The following TMPRSS7 variants were observed in gnomAD, a reference collection of about 807,000 sequenced individuals.
TMPRSS7 encodes the protein transmembrane serine protease 7.
In TMPRSS7, 81 loss-of-function variants were observed where a neutral mutation model predicts 95.6. The ratio of observed to expected loss-of-function variants is 0.85; its 90% CI spans 0.71 to 1.02. The LOEUF (loss-of-function observed/expected upper bound fraction) is 1.02. Among genes scored for constraint, TMPRSS7 ranks in the 50% least tolerant of loss-of-function variants. The pLI, the probability that TMPRSS7 is intolerant of heterozygous loss-of-function variation, is 0.00. For missense variants in TMPRSS7, 945 were observed against 955.2 expected (o/e 0.99, Z 0.14); for synonymous variants, 364 against 337.8 (o/e 1.08, Z -0.85).
intron 5 of TMPRSS7, 118 bp downstream of exon 5, chr3:112,046,061 T>A: frequency 1.1e-6 from 1 of 885,790 alleles, no homozygotes; most frequent in Non-Finnish European, 1.7e-6. Flanking sequence ...ACAATCCCAG[T>A]GGCGCAGGAT....
rs1454275680 is a variant in TMPRSS7, at chr3:112,041,909, C to T, written c.299-11C>T. 1 of 1,518,574 alleles carries T rather than the reference C, an allele frequency of 6.6e-7. No homozygotes were observed. The highest frequency in any genetic ancestry group is 9.0e-7 in the Non-Finnish European group (1 of 1,117,138). The allele number at this position is 1,518,574 out of a possible 1,614,324, so 94.1% of individuals were successfully genotyped here. A position where few individuals can be genotyped will look rare whatever the true frequency, so the allele number is the denominator to read the frequency against. On this transcript the variant is annotated splice_polypyrimidine_tract_variant and intron_variant, in intron 2 of 17. Transcript: ENST00000452346. ...GAAAGCCTCCGAATCTTGTTCTTTC[C>T]TATTTTACAGGTAAAACAGAAAGCA... is the stretch of plus-strand genomic sequence containing the variant.
intron 6 of TMPRSS7, chr3:112,047,469 C>A (rs773428751): frequency 3.3e-5 from 20 of 604,176 alleles, no homozygotes; most frequent in Non-Finnish European, 5.3e-5. Flanking sequence ...GAAATGACTT[C>A]TTTGACTCTG....
intron 10 of TMPRSS7, among the ~76,000 whole-genome samples, chr3:112,058,288 C>T (rs4682351): frequency 0.24 from 36,450 of 152,074 alleles, 4,522 homozygotes; most frequent in Middle Eastern, 0.28. Flanking sequence ...CTTGGATTCA[C>T]TATTAAAATG....
intron 2 of TMPRSS7, among the ~76,000 whole-genome samples, chr3:112,039,204 G>C (rs1052372902): frequency 1.3e-5 from 2 of 152,094 alleles, no homozygotes; most frequent in Non-Finnish European, 2.9e-5. Context: ...GACTTGTATC[G>C]GAGTTGCCAT....
chr3:112,080,297 T>C (rs985319020), intron 17 of TMPRSS7, among the ~76,000 whole-genome samples: 10 of 152,196 alleles, frequency 6.6e-5, no homozygotes, highest in Non-Finnish European at 4.4e-5. Context: ...GTGAGAGTGA[T>C]TTGTTTGTGA....
intron 7 of TMPRSS7, among the ~76,000 whole-genome samples, 179 bp downstream of exon 7, chr3:112,048,146 A>G (rs1020507573): frequency 6.6e-6 from 1 of 152,142 alleles, no homozygotes; most frequent in East Asian, 1.9e-4. Flanking sequence ...GCCAGAGCCT[A>G]TCAGTCTCAA....
chr3:112,049,726 G>T (rs2073322302), intron 7 of TMPRSS7, 118 bp from the exon 8 acceptor site: 1 of 825,232 alleles, frequency 1.2e-6, no homozygotes, highest in Admixed American at 3.1e-5. Flanking sequence ...AGATTCCCAA[G>T]AACTGAGTGG....
At chr3:112,076,075 G>A (rs998289399) in intron 15 of TMPRSS7, among the ~76,000 whole-genome samples, 2 of 152,102 alleles carry the variant, frequency 1.3e-5, no homozygotes, top group Admixed American at 1.3e-4. Context: ...TTGATCATGA[G>A]TCTCTAATGC....
At chr3:112,037,781 G>A (rs1311095634) in intron 1 of TMPRSS7, among the ~76,000 whole-genome samples, 1 of 152,002 alleles carries the variant, frequency 6.6e-6, no homozygotes, top group Non-Finnish European at 1.5e-5. Context: ...CCGACACTTA[G>A]GGAAAATAGA....
At chr3:112,070,539 T>C (rs192586163) in intron 13 of TMPRSS7, among the ~76,000 whole-genome samples, 15 of 152,372 alleles carry the variant, frequency 9.8e-5, no homozygotes, top group African/African-American at 3.1e-4. Flanking sequence ...ATATTTAGGA[T>C]AGTTAGCTCT....
chr3:112,071,628 G>A lies in TMPRSS7; in HGVS notation c.1667-2668G>A, dbSNP rs570856020. Among the ~76,000 whole-genome samples, 7 of 152,202 alleles carry A rather than the reference G, an allele frequency of 4.6e-5. No homozygotes were observed. In the East Asian group the frequency reaches 1.2e-3, roughly 25 times the overall value. The stretch of plus-strand genomic sequence containing the variant: ...CCTTTCACATAGTCGCATATTTCTT[G>A]GAGACCTTGTTCATTTCTTTTTACT... On this transcript the variant is annotated intron_variant, in intron 13 of 17. Transcript: ENST00000452346.
intron 4 of TMPRSS7, 140 bp from the exon 5 acceptor site, chr3:112,045,610 A>C (rs2073268919): frequency 1.4e-6 from 1 of 725,520 alleles, no homozygotes; most frequent in Admixed American, 3.0e-5. Flanking sequence ...TTCATAACAG[A>C]CGTCAATGAC....
At chr3:112,049,279 C>A (rs902430916) in intron 7 of TMPRSS7, among the ~76,000 whole-genome samples, 1 of 152,160 alleles carries the variant, frequency 6.6e-6, no homozygotes, top group Non-Finnish European at 1.5e-5. Flanking sequence ...TTGCTCTGGC[C>A]CACTCCCACC....
At chr3:112,038,089 C>T (rs1348669285) in exon 2 of TMPRSS7, 2 of 702,532 alleles carry the variant, frequency 2.8e-6, no homozygotes, top group Non-Finnish European at 5.2e-6. Flanking sequence ...ATATCTCAGT[C>T]CAAGTGGTCA....
intron 1 of TMPRSS7, among the ~76,000 whole-genome samples, chr3:112,036,358 C>T (rs944940523): frequency 6.6e-6 from 1 of 152,182 alleles, no homozygotes; most frequent in Non-Finnish European, 1.5e-5. Flanking sequence ...CACCTGAGGT[C>T]AAGAGTTCAA....
At chr3:112,049,053 T>G (rs2073313810) in intron 7 of TMPRSS7, among the ~76,000 whole-genome samples, 1 of 152,174 alleles carries the variant, frequency 6.6e-6, no homozygotes, top group Non-Finnish European at 1.5e-5. Flanking sequence ...TCTACAACCC[T>G]GCCGCTTCCG....
At chr3:112,035,180 T>C (rs1448074420) in intron 1 of TMPRSS7, among the ~76,000 whole-genome samples, 1 of 152,226 alleles carries the variant, frequency 6.6e-6, no homozygotes, top group East Asian at 1.9e-4. Context: ...TATAATGTGT[T>C]TCTGCACTTA....
intron 13 of TMPRSS7, among the ~76,000 whole-genome samples, chr3:112,070,941 T>C (rs908606951): frequency 4.6e-5 from 7 of 152,268 alleles, no homozygotes; most frequent in African/African-American, 1.7e-4. Context: ...TTTAGCCCAT[T>C]TACATTTAAG....
exon 17 of TMPRSS7, chr3:112,078,833 G>C (rs979916061): frequency 6.2e-7 from 1 of 1,614,126 alleles, no homozygotes. Context: ...TCACTTCTCG[G>C]ATGCTCTGTG....
Sources: allele counts gnomAD v4.1 joint callset (sites outside exome capture counted in the v4.1 genomes callset), GRCh38; gene constraint gnomAD v4.1.1; transcripts MANE v1.5; gene names NCBI Gene and HGNC (gene_info 2026-07-23, HGNC 2026-07-21).